RALY: variants seen among roughly 807,000 people sequenced by gnomAD.
RALY encodes the protein RNA-binding protein Raly.
Under a neutral mutation model 30.7 loss-of-function variants are expected in RALY, and 15 were observed. The ratio of observed to expected loss-of-function variants is 0.49; its 90% CI spans 0.33 to 0.75. The LOEUF is 0.75. Ranked by LOEUF, RALY falls within the 30% of genes least tolerant of loss-of-function variation. The pLI is 0.02. For synonymous variants in RALY, 177 were observed against 170.8 expected (o/e 1.04, Z -0.28); for missense variants, 339 against 414.3 (o/e 0.82, Z 1.58).
At position 34,069,991 on chromosome 20, in the gene RALY, G is replaced by A. The variant is rs544431870; in HGVS notation, c.-9-2075G>A. Among the ~76,000 whole-genome samples, 3 of 152,228 alleles carry A rather than the reference G, an allele frequency of 2.0e-5. 1 individual carries two copies. Among genetic ancestry groups the A allele is most frequent in the African/African-American group, 7.2e-5 (3 of 41,556 alleles). ...CAGTTTCTTCCCAAGTTGGGCTCAC[G>A]TCCAGCCTATGATTCCCTTGTAAAC... On this transcript the variant is annotated intron_variant, in intron 2 of 9. Transcript: ENST00000246194.
At chr20:34,071,315 G>A (rs1217191358) in intron 2 of RALY, among the ~76,000 whole-genome samples, 1 of 151,212 alleles carries the variant, frequency 6.6e-6, no homozygotes, top group Non-Finnish European at 1.5e-5. Context: ...TTTAGACAGA[G>A]TCTGGCTCTG....
In RALY at chr20:34,082,520, G is replaced by C. The variant is rs772846359; in HGVS notation, c.*2615G>C. 5.3e-5 allele frequency: 8 copies of C among 152,242 alleles called. No homozygotes were observed. Among genetic ancestry groups the C allele is most frequent in the Non-Finnish European group, 1.2e-4 (8 of 68,074 alleles). 9.4% of individuals were successfully genotyped at this position (152,242 alleles called of 1,614,324 possible). On this transcript the variant is annotated 3_prime_UTR_variant, in exon 10 of 10. Coordinates refer to ENST00000246194, the MANE Select transcript of RALY (RefSeq NM_016732.3). ...AGGCTTCCTTAGTATGCCAGGCTTGGAGAACCGTGAGAAAAGCAGGGAAGA... is the reference window on the plus strand; with the variant it reads ...AGGCTTCCTTAGTATGCCAGGCTTGCAGAACCGTGAGAAAAGCAGGGAAGA...
chr20:34,064,356 C>A (rs1008255844), intron 2 of RALY, among the ~76,000 whole-genome samples: 3 of 152,130 alleles, frequency 2.0e-5, no homozygotes, highest in African/African-American at 7.2e-5. Context: ...GGGGAGATAA[C>A]TGAGGCCTGC....
chr20:34,008,396 CTG>C (rs1480741051), intron 1 of RALY, among the ~76,000 whole-genome samples: 8 of 152,178 alleles, frequency 5.3e-5, no homozygotes, highest in African/African-American at 1.9e-4. Context: ...CGGCATCTGA[CTG>C]TAATGGGGGT....
chr20:34,015,294 CT>C (rs2031559933), intron 1 of RALY, among the ~76,000 whole-genome samples: 1 of 151,932 alleles, frequency 6.6e-6, no homozygotes, highest in Admixed American at 6.6e-5. Context: ...CTCTTTTGTC[CT>C]TTTTGCCTTT....
chr20:34,073,414 T>C lies in RALY; in HGVS notation c.257-149T>C. On this transcript the variant is annotated intron_variant, in intron 3 of 9. Transcript: ENST00000246194. ...ATGAATCTAATGTTTGAAGATTAGA[T>C]GTATGAAGACCTTTGTTGGCACCAT... is the stretch of plus-strand genomic sequence containing the variant. 15 of 685,128 alleles carry C rather than the reference T, an allele frequency of 2.2e-5. No homozygotes were observed. In the South Asian group the frequency reaches 2.3e-4, roughly 11 times the overall value. The allele number at this position is 685,128 out of a possible 1,614,324, so 42.4% of individuals were successfully genotyped here.
At position 34,083,923 on chromosome 20, in the gene RALY, A is replaced by T. The variant is rs1184240939; in HGVS notation, c.*4018A>T. 1 of 152,244 alleles carries T rather than the reference A, an allele frequency of 6.6e-6. No homozygotes were observed. The highest frequency in any genetic ancestry group is 1.5e-5 in the Non-Finnish European group (1 of 68,030). 9.4% of individuals were successfully genotyped at this position (152,244 alleles called of 1,614,324 possible). The stretch of plus-strand genomic sequence containing the variant: ...TCAAAATCCCTCCACCAGTAGCCAG[A>T]TTCTTCATAATAAACTTCCTCCATA... On this transcript the variant is annotated 3_prime_UTR_variant, in exon 10 of 10. Transcript: ENST00000246194.
intron 2 of RALY, among the ~76,000 whole-genome samples, chr20:34,067,885 C>T (rs78116891): frequency 0.047 from 6,921 of 147,856 alleles, 224 homozygotes; most frequent in Middle Eastern, 0.074. Context: ...CTGTCTCTTA[C>T]CAGCCCCAAA....
intron 1 of RALY, among the ~76,000 whole-genome samples, chr20:34,018,698 T>C (rs1374570889): frequency 6.6e-6 from 1 of 152,144 alleles, no homozygotes; most frequent in African/African-American, 2.4e-5. Flanking sequence ...TTTTTTCCAT[T>C]AGCAATTTAG....
At chr20:34,044,212 G>A (rs2032796964) in intron 2 of RALY, among the ~76,000 whole-genome samples, 1 of 152,148 alleles carries the variant, frequency 6.6e-6, no homozygotes, top group African/African-American at 2.4e-5. Context: ...TAATATTGGA[G>A]GCTATTGTGT....
chr20:34,024,686 C>T (rs943790087), intron 1 of RALY, among the ~76,000 whole-genome samples: 1 of 152,144 alleles, frequency 6.6e-6, no homozygotes, highest in Non-Finnish European at 1.5e-5. Context: ...CATCCTGACA[C>T]CTGTCTTTGT....
chr20:34,069,239 C>T (rs1258154253), intron 2 of RALY, among the ~76,000 whole-genome samples: 1 of 152,196 alleles, frequency 6.6e-6, no homozygotes, highest in African/African-American at 2.4e-5. Flanking sequence ...AGTGTAATTA[C>T]AAGATCTTGT....
chr20:34,048,717 G>A (rs1380497061), intron 2 of RALY, among the ~76,000 whole-genome samples: 4 of 152,030 alleles, frequency 2.6e-5, no homozygotes, highest in Non-Finnish European at 5.9e-5. Flanking sequence ...TTAGCCGGGC[G>A]TGGTGGCGGG....
intron 2 of RALY, among the ~76,000 whole-genome samples, chr20:34,045,199 G>A (rs754102528): frequency 5.9e-5 from 9 of 152,192 alleles, no homozygotes; most frequent in Non-Finnish European, 1.2e-4. Flanking sequence ...ACAGGTATGA[G>A]CCACTGTGCC....
intron 1 of RALY, among the ~76,000 whole-genome samples, chr20:34,028,705 CAAAAAAAAAAAAAAAA>C (rs71338492): frequency 3.4e-4 from 7 of 20,436 alleles, no homozygotes; most frequent in Non-Finnish European, 6.7e-4. Context: ...GACTCCATCT[CAAAAAAAAAAAAAAAA>C]AAAAAAAAAA....
At chr20:34,076,219 A>AG in intron 6 of RALY, 179 bp downstream of exon 6, 1 of 848,424 alleles carries the variant, frequency 1.2e-6, no homozygotes, top group Non-Finnish European at 1.8e-6. Context: ...TTTTAGGAGG[A>AG]GGGGTTGTGT....
At chr20:34,076,299 G>T in intron 6 of RALY, 1 of 555,848 alleles carries the variant, frequency 1.8e-6, no homozygotes, top group Non-Finnish European at 3.2e-6. Flanking sequence ...CTCTAGTAAG[G>T]ATAAGGACAG....
chr20:34,077,976 G>A (rs563468369), intron 8 of RALY, among the ~76,000 whole-genome samples: 10 of 152,384 alleles, frequency 6.6e-5, no homozygotes, highest in Non-Finnish European at 1.2e-4. Flanking sequence ...GACTGAGCCA[G>A]GGTTGGAGTC....
intron 1 of RALY, among the ~76,000 whole-genome samples, chr20:34,019,412 G>T (rs141911385): frequency 4.0e-5 from 6 of 151,848 alleles, no homozygotes; most frequent in African/African-American, 1.5e-4. Context: ...CTAGTGAGAT[G>T]CCTGGTCTTG....
Sources: gnomAD v4.1 joint callset for allele counts (sites outside exome capture counted in the v4.1 genomes callset) on GRCh38, gnomAD v4.1.1 for gene constraint, MANE v1.5 for transcripts, NCBI Gene and HGNC (gene_info 2026-07-23, HGNC 2026-07-21) for gene names.